The following ADGRL2 variants were observed in gnomAD, a reference collection of about 807,000 sequenced individuals.
ADGRL2 encodes calcium-independent alpha-latrotoxin receptor 2.
ADGRL2 carries 44 observed loss-of-function variants against 157.4 expected under a neutral mutation model. The ratio of observed to expected loss-of-function variants is 0.28; its 90% CI spans 0.22 to 0.36. The LOEUF is 0.36. Among genes scored for constraint, ADGRL2 ranks in the 10% least tolerant of loss-of-function variants. ADGRL2 has a pLI of 1.00. For missense variants in ADGRL2, 1,510 were observed against 1,768.9 expected, an observed-to-expected ratio of 0.85 and a Z score of 2.63; for synonymous variants, 585 against 624.7, an observed-to-expected ratio of 0.94 and a Z score of 0.95.
intron 2 of ADGRL2, among the ~76,000 whole-genome samples, chr1:81,788,779 G>A (rs1461280151): frequency 6.6e-6 from 1 of 151,908 alleles, no homozygotes; most frequent in Non-Finnish European, 1.5e-5. Context: ...GCAGTGGCAC[G>A]ATATGGGCTC....
rs186667902 is a variant in ADGRL2, at chr1:81,993,134, C to G, written c.*1989C>G. ...TTTTTTTTTTTGGGACAGAGTGTCC[C>G]TCTGTCACCCAGGCTGGAGTGCAGT... On this transcript the variant is annotated 3_prime_UTR_variant, in exon 24 of 24. Coordinates refer to ENST00000686636, the MANE Select transcript of ADGRL2 (RefSeq NM_001366006.2). Among the ~76,000 whole-genome samples, 157 of 105,348 alleles carry G rather than the reference C, an allele frequency of 1.5e-3. 1 individual carries two copies. In the East Asian group the frequency reaches 0.035, roughly 24 times the overall value. The allele number at this position is 105,348 out of a possible 152,430, so 69.1% of individuals were successfully genotyped here.
intron 2 of ADGRL2, among the ~76,000 whole-genome samples, chr1:81,509,884 G>C (rs2079044908): frequency 1.3e-5 from 2 of 152,146 alleles, no homozygotes; most frequent in Non-Finnish European, 1.5e-5. Flanking sequence ...ACATGCTCAG[G>C]ACAGCTTTCT....
chr1:81,650,727 A>G (rs1048646837), intron 3 of ADGRL2, among the ~76,000 whole-genome samples: 3 of 152,198 alleles, frequency 2.0e-5, no homozygotes, highest in African/African-American at 7.2e-5. Flanking sequence ...TTAGATTTTA[A>G]TAGGTCAACA....
At chr1:81,407,618 G>A (rs1023658617) in intron 1 of ADGRL2, among the ~76,000 whole-genome samples, 3 of 152,212 alleles carry the variant, frequency 2.0e-5, no homozygotes, top group Admixed American at 2.0e-4. Flanking sequence ...ACACCCAATT[G>A]TAAACATAGG....
At chr1:81,469,423 A>G (rs944474593) in intron 2 of ADGRL2, among the ~76,000 whole-genome samples, 1 of 152,184 alleles carries the variant, frequency 6.6e-6, no homozygotes, top group Non-Finnish European at 1.5e-5. Flanking sequence ...AAAGTCGCTT[A>G]CAGACTCACA....
rs866947774 is a variant in ADGRL2 at position 81,984,354 on chromosome 1, A to G, written c.3283-229A>G. On this transcript the variant is annotated intron_variant, in intron 19 of 23. Transcript: ENST00000686636. Reference sequence around the variant, plus strand: ...GATATAGAGTATGTCTACATGTTATATCACATTTTAAAGACTCTACTAGCC... The same window carrying G: ...GATATAGAGTATGTCTACATGTTATGTCACATTTTAAAGACTCTACTAGCC... 3.5e-5 allele frequency: 13 copies of G among 375,258 alleles called. No individual in the cohort carries two copies. In the South Asian group the frequency reaches 7.1e-4, roughly 20 times the overall value. 23.2% of individuals were successfully genotyped at this position (375,258 alleles called of 1,614,324 possible).
At chr1:81,628,294 G>A (rs1439116122) in intron 3 of ADGRL2, among the ~76,000 whole-genome samples, 1 of 152,106 alleles carries the variant, frequency 6.6e-6, no homozygotes, top group Non-Finnish European at 1.5e-5. Flanking sequence ...ATCATTACTG[G>A]GCTCTACGTG....
At chr1:81,936,623 T>C (rs994226454) in intron 3 of ADGRL2, 105 bp from the exon 4 acceptor site, 3 of 568,024 alleles carry the variant, frequency 5.3e-6, no homozygotes, top group Non-Finnish European at 9.2e-6. Flanking sequence ...TTTTGTTTTA[T>C]GTTTCTGGTT....
chr1:81,561,690 C>G (rs184220461), intron 2 of ADGRL2, among the ~76,000 whole-genome samples: 272 of 152,084 alleles, frequency 1.8e-3, no homozygotes, highest in Non-Finnish European at 2.8e-3. Flanking sequence ...GAACTCCTGA[C>G]CTCAGGTGAT....
At chr1:81,518,422 C>T (rs1172056492) in intron 2 of ADGRL2, among the ~76,000 whole-genome samples, 2 of 152,192 alleles carry the variant, frequency 1.3e-5, no homozygotes, top group Non-Finnish European at 2.9e-5. Flanking sequence ...TCAAGCTTCA[C>T]ATTTTGTGAA....
intron 1 of ADGRL2, among the ~76,000 whole-genome samples, chr1:81,432,765 T>C (rs965412295): frequency 6.6e-6 from 1 of 152,152 alleles, no homozygotes; most frequent in African/African-American, 2.4e-5. Flanking sequence ...CACTGGATTG[T>C]ATAATCATCT....
chr1:81,747,957 AG>A (rs1291652960), intron 1 of ADGRL2, among the ~76,000 whole-genome samples: 1 of 152,182 alleles, frequency 6.6e-6, no homozygotes, highest in Non-Finnish European at 1.5e-5. Flanking sequence ...AACAAGAACT[AG>A]GAAGACTTTA....
At chr1:81,401,636 C>A (rs909877056) in intron 1 of ADGRL2, among the ~76,000 whole-genome samples, 2 of 152,146 alleles carry the variant, frequency 1.3e-5, no homozygotes, top group African/African-American at 4.8e-5. Context: ...CTTGCTCTGT[C>A]CTCCTCATTT....
chr1:81,953,133 A>G, intron 10 of ADGRL2, 108 bp downstream of exon 10: 2 of 882,330 alleles, frequency 2.3e-6, no homozygotes, highest in African/African-American at 1.6e-5. Context: ...TAATTATATA[A>G]TGTGCCCCAT....
chr1:81,980,661 A>T (rs1572495470), intron 18 of ADGRL2: 1 of 453,306 alleles, frequency 2.2e-6, no homozygotes, highest in East Asian at 3.2e-5. Context: ...GTAAGGGTAA[A>T]TTTTTTTTTA....
chr1:81,588,307 G>A (rs2081067140), intron 3 of ADGRL2: 1 of 152,230 alleles, frequency 6.6e-6, no homozygotes, highest in African/African-American at 2.4e-5. Flanking sequence ...TACAGCCGCT[G>A]GGGAACAAGA....
chr1:81,332,899 C>T (rs1661367472), intron 1 of ADGRL2, among the ~76,000 whole-genome samples: 1 of 151,864 alleles, frequency 6.6e-6, no homozygotes, highest in Non-Finnish European at 1.5e-5. Context: ...TTTATTTTTT[C>T]CCCTTGGACA....
chr1:81,590,355 C>T (rs2081107846), intron 3 of ADGRL2, among the ~76,000 whole-genome samples: 1 of 152,102 alleles, frequency 6.6e-6, no homozygotes, highest in African/African-American at 2.4e-5. Flanking sequence ...TGCCCTTTCA[C>T]ATAGTAACCA....
intron 1 of ADGRL2, among the ~76,000 whole-genome samples, chr1:81,358,887 T>G (rs1002358553): frequency 1.3e-5 from 2 of 151,028 alleles, no homozygotes; most frequent in African/African-American, 4.9e-5. Flanking sequence ...AGAGATCTAC[T>G]CCGTAGGATG....
Sources: gnomAD v4.1 joint callset for allele counts (sites outside exome capture counted in the v4.1 genomes callset) on GRCh38, gnomAD v4.1.1 for gene constraint, MANE v1.5 for transcripts, NCBI Gene and HGNC (gene_info 2026-07-23, HGNC 2026-07-21) for gene names.